Variants in VWA3B observed in about 807,000 individuals in gnomAD.
VWA3B encodes von Willebrand factor A domain-containing protein 3B.
Under a neutral mutation model 158.3 loss-of-function variants are expected in VWA3B, and 138 were observed. The ratio of observed to expected loss-of-function variants is 0.87; its 90% CI spans 0.76 to 1.00. The LOEUF (loss-of-function observed/expected upper bound fraction) is 1.00, where lower values mean the gene tolerates loss of function less well. Ranked by LOEUF, VWA3B falls within the 50% of genes least tolerant of loss-of-function variation. The probability of loss-of-function intolerance (pLI) is 0.00; values close to 1 mark genes in which losing one functional copy is unlikely to be tolerated. For synonymous variants in VWA3B, 596 were observed against 587.3 expected (o/e 1.01, Z -0.21); for missense variants, 1,555 against 1,565.1 (o/e 0.99, Z 0.11).
intron 8 of VWA3B, among the ~76,000 whole-genome samples, chr2:98,165,972 A>G (rs540863902): frequency 6.6e-6 from 1 of 152,152 alleles, no homozygotes; most frequent in Non-Finnish European, 1.5e-5. Flanking sequence ...GTGTGGCCTG[A>G]ATTGTGCCCC....
At chr2:98,268,003 C>G (rs1687955149) in intron 21 of VWA3B, among the ~76,000 whole-genome samples, 1 of 150,000 alleles carries the variant, frequency 6.7e-6, no homozygotes, top group Non-Finnish European at 1.5e-5. Context: ...GAAATTGAAT[C>G]TCTGAGTAGA....
rs1452998604 is a variant in VWA3B, at chr2:98,234,773, C to G, written c.2428+6C>G. 2 of 1,614,074 alleles carry G rather than the reference C, an allele frequency of 1.2e-6. No individual in the cohort carries two copies. The highest frequency in any genetic ancestry group is 1.7e-6 in the Non-Finnish European group (2 of 1,179,966). On this transcript the variant is annotated splice_donor_region_variant and intron_variant, in intron 17 of 27. Coordinates refer to ENST00000477737, the MANE Select transcript of VWA3B (RefSeq NM_144992.5). ...GACTGCTCTAAGTGACAAAGGCAAGCCAGAAAGCATCTCTGTGGCCAACCA... is the reference window on the plus strand; with the variant it reads ...GACTGCTCTAAGTGACAAAGGCAAGGCAGAAAGCATCTCTGTGGCCAACCA...
At chr2:98,206,001 G>C (rs1030490925) in intron 12 of VWA3B, 16 of 152,190 alleles carry the variant, frequency 1.1e-4, no homozygotes, top group Non-Finnish European at 2.1e-4. Context: ...GCAGTCTTTT[G>C]TTGGGTGGAG....
At chr2:98,118,832 A>G (rs1426059870) in intron 3 of VWA3B, among the ~76,000 whole-genome samples, 6 of 152,218 alleles carry the variant, frequency 3.9e-5, no homozygotes, top group East Asian at 1.9e-4. Context: ...TATGTCTTCT[A>G]TTGCCTCTCT....
At chr2:98,088,434 G>C (rs144570971) in intron 1 of VWA3B, among the ~76,000 whole-genome samples, 2 of 152,276 alleles carry the variant, frequency 1.3e-5, no homozygotes, top group East Asian at 3.9e-4. Flanking sequence ...CCAGTAGACG[G>C]GGCCCTTGTA....
chr2:98,313,072 G>A lies in VWA3B; in HGVS notation c.*723G>A, dbSNP rs754869340. ...CGCTCCATCAAATTTCGTTTTTCTAGTCGGTAAGATCCCTGAGGCTAGATG... is the reference window on the plus strand; with the variant it reads ...CGCTCCATCAAATTTCGTTTTTCTAATCGGTAAGATCCCTGAGGCTAGATG... On this transcript the variant is annotated 3_prime_UTR_variant, in exon 28 of 28. Coordinates refer to ENST00000477737, the MANE Select transcript of VWA3B (RefSeq NM_144992.5). 6.6e-6 allele frequency: 1 copy of A among 152,096 alleles called. No individual in the cohort carries two copies. Among genetic ancestry groups the A allele is most frequent in the Non-Finnish European group, 1.5e-5 (1 of 68,030 alleles). The allele number at this position is 152,096 out of a possible 1,614,324, so 9.4% of individuals were successfully genotyped here.
At chr2:98,220,165 TAA>T (rs58005028) in intron 14 of VWA3B, among the ~76,000 whole-genome samples, 1,415 of 83,706 alleles carry the variant, frequency 0.017, 8 homozygotes, top group Admixed American at 0.022. Flanking sequence ...ACCTGTCTCA[TAA>T]AAAAAAAAAA....
At chr2:98,270,563 CA>C in intron 21 of VWA3B, 118 bp from the exon 22 acceptor site, 2 of 1,026,620 alleles carry the variant, frequency 1.9e-6, no homozygotes, top group Non-Finnish European at 2.8e-6. Context: ...CTAGCTTCAA[CA>C]GATGTTTCTC....
intron 8 of VWA3B, among the ~76,000 whole-genome samples, chr2:98,163,951 A>G (rs915637713): frequency 6.6e-5 from 10 of 152,224 alleles, no homozygotes; most frequent in Non-Finnish European, 1.3e-4. Context: ...CTCGCTGAGA[A>G]GAGCATTCAG....
intron 7 of VWA3B, among the ~76,000 whole-genome samples, chr2:98,138,117 A>G (rs1240828198): frequency 1.3e-5 from 2 of 152,034 alleles, no homozygotes; most frequent in Admixed American, 1.3e-4. Flanking sequence ...CCTCTTCCAC[A>G]TGCACCTCGT....
rs1426645231 is a variant in VWA3B, at chr2:98,236,589, T to G, written c.2532T>G (p.Ser844=). 5 of 1,614,180 alleles carry G rather than the reference T, an allele frequency of 3.1e-6. No individual in the cohort carries two copies. Among genetic ancestry groups the G allele is most frequent in the Non-Finnish European group, 4.2e-6 (5 of 1,180,026 alleles). Residue 844 remains serine, a synonymous_variant, in exon 19 of 28, where the codon TCT becomes TCG. Transcript: ENST00000477737. ...QVYDHDSSDV[S]SENWLKTYGL... ...GTGTTCTTAGTTCTTCAGATGTGTC[T>G]TCAGAAAACTGGCTGAAGACCTATG...
At chr2:98,290,974 A>G (rs1689461426) in intron 23 of VWA3B, 1 of 204,336 alleles carries the variant, frequency 4.9e-6, no homozygotes, top group South Asian at 1.1e-4. Flanking sequence ...ATTACATCTT[A>G]AAGGAGACAG....
chr2:98,170,994 A>G (rs1018828345), intron 8 of VWA3B, among the ~76,000 whole-genome samples: 1 of 152,232 alleles, frequency 6.6e-6, no homozygotes, highest in Non-Finnish European at 1.5e-5. Context: ...CGTATTTGCA[A>G]AATGTGAATG....
chr2:98,218,235 A>G (rs1291291763), intron 14 of VWA3B, among the ~76,000 whole-genome samples: 1 of 152,218 alleles, frequency 6.6e-6, no homozygotes, highest in African/African-American at 2.4e-5. Flanking sequence ...AGATTCCTGC[A>G]TCCCATTTCA....
At chr2:98,094,291 C>A (rs1381822930) in intron 2 of VWA3B, among the ~76,000 whole-genome samples, 2 of 152,130 alleles carry the variant, frequency 1.3e-5, no homozygotes, top group Non-Finnish European at 2.9e-5. Flanking sequence ...TTCTCCATAT[C>A]CTTGCCAACA....
At chr2:98,289,457 G>A (rs1689361138) in intron 22 of VWA3B, among the ~76,000 whole-genome samples, 3 of 152,272 alleles carry the variant, frequency 2.0e-5, no homozygotes, top group East Asian at 3.9e-4. Flanking sequence ...ATTCTAGATT[G>A]AAAGTTATTT....
chr2:98,180,960 G>T, intron 8 of VWA3B, 56 bp from the exon 9 acceptor site: 1 of 1,542,834 alleles, frequency 6.5e-7, no homozygotes, highest in South Asian at 1.2e-5. Context: ...TTAAGTTGGG[G>T]GTGTAATATG....
chr2:98,286,546 A>C lies in VWA3B; in HGVS notation c.3046-3965A>C, dbSNP rs533202548. Among the ~76,000 whole-genome samples, 29 of 152,216 alleles carry C rather than the reference A, an allele frequency of 1.9e-4. No individual in the cohort carries two copies. In the South Asian group the frequency reaches 6.0e-3, roughly 32 times the overall value. ...ATATGGTTTTATCCTTTATCCTATT[A>C]ATATGGTATATTACATTAATTGTTA... On this transcript the variant is annotated intron_variant, in intron 22 of 27. Coordinates refer to ENST00000477737, the MANE Select transcript of VWA3B (RefSeq NM_144992.5).
intron 9 of VWA3B, among the ~76,000 whole-genome samples, 165 bp downstream of exon 9, chr2:98,181,377 A>T (rs1680567936): frequency 6.6e-6 from 1 of 152,178 alleles, no homozygotes; most frequent in Non-Finnish European, 1.5e-5. Context: ...ACCCTTCTCC[A>T]AAGGGCATCT....
Sources: gnomAD v4.1 joint callset for allele counts (sites outside exome capture counted in the v4.1 genomes callset) on GRCh38, gnomAD v4.1.1 for gene constraint, MANE v1.5 for transcripts, NCBI Gene and HGNC (gene_info 2026-07-23, HGNC 2026-07-21) for gene names.